The following ANO5 variants were observed in gnomAD, a reference collection of about 807,000 sequenced individuals.
ANO5 encodes the protein anoctamin-5.
Under a neutral mutation model 121.0 loss-of-function variants are expected in ANO5, and 109 were observed. The observed-to-expected ratio is 0.90, with a 90% CI of 0.77 to 1.06. The LOEUF (loss-of-function observed/expected upper bound fraction) is 1.06, where lower values mean the gene tolerates loss of function less well. Ranked by LOEUF, ANO5 falls within the 50% of genes least tolerant of loss-of-function variation. The pLI is 0.00. For synonymous variants in ANO5, 406 were observed against 359.9 expected, an observed-to-expected ratio of 1.13 and a Z score of -1.45; for missense variants, 1,064 against 1,078.5, an observed-to-expected ratio of 0.99 and a Z score of 0.19.
At chr11:22,202,458 T>A (rs1055593663) in intron 1 of ANO5, among the ~76,000 whole-genome samples, 2 of 64,690 alleles carry the variant, frequency 3.1e-5, no homozygotes, top group Non-Finnish European at 8.4e-5. Context: ...GTAGATTTTT[T>A]AAATTTTTTT....
chr11:22,211,294 C>T lies in ANO5; in HGVS notation c.118C>T (p.Leu40Phe). The T allele has an allele frequency of 1.2e-6, 2 of 1,612,220 alleles. No homozygotes were observed. Among genetic ancestry groups the T allele is most frequent in the South Asian group, 1.1e-5 (1 of 91,054 alleles). Reference sequence around the variant, plus strand: ...CCTGAGCAGCAGAGAGACCAGCTTTCTCATCAATGAAGAAACAATGGTAAG... The same window carrying T: ...CCTGAGCAGCAGAGAGACCAGCTTTTTCATCAATGAAGAAACAATGGTAAG... Reference protein sequence around the residue: ...QSLSSRETSFLINEETMPAKR... With the variant: ...QSLSSRETSFFINEETMPAKR... The change falls in exon 3 of 22, where the codon CTC becomes TTC. Residue 40 changes from leucine to phenylalanine, a missense_variant. Physicochemically the swap from Leu to Phe is conservative, Grantham distance 22. Transcript: ENST00000324559.
At chr11:22,212,986 A>G (rs1852329473) in intron 3 of ANO5, among the ~76,000 whole-genome samples, 1 of 151,296 alleles carries the variant, frequency 6.6e-6, no homozygotes, top group Non-Finnish European at 1.5e-5. Flanking sequence ...TTGATTCACT[A>G]TGTTGACATT....
At chr11:22,230,887 T>G (rs962906370) in intron 7 of ANO5, among the ~76,000 whole-genome samples, 83 of 152,126 alleles carry the variant, frequency 5.5e-4, no homozygotes, top group African/African-American at 1.9e-3. Context: ...CACTTCTATC[T>G]CCACCTTCAC....
intron 17 of ANO5, among the ~76,000 whole-genome samples, chr11:22,264,488 A>T (rs1854299141): frequency 6.6e-6 from 1 of 152,032 alleles, no homozygotes; most frequent in African/African-American, 2.4e-5. Context: ...AAAAAAAACA[A>T]GCAAATTAAC....
chr11:22,271,201 G>A (rs2133781860), intron 18 of ANO5, among the ~76,000 whole-genome samples: 1 of 152,230 alleles, frequency 6.6e-6, no homozygotes, highest in Admixed American at 6.5e-5. Context: ...GACTACAGGT[G>A]CGTGCCATCA....
intron 1 of ANO5, among the ~76,000 whole-genome samples, chr11:22,203,207 T>C (rs574970523): frequency 3.3e-5 from 5 of 152,198 alleles, no homozygotes; most frequent in Admixed American, 6.6e-5. Flanking sequence ...AAATATATCT[T>C]AGGGCTTTTT....
At chr11:22,237,062 G>A (rs12294496) in intron 8 of ANO5, among the ~76,000 whole-genome samples, 14,408 of 152,044 alleles carry the variant, frequency 0.095, 2,303 homozygotes, top group African/African-American at 0.33. Flanking sequence ...CCACCTATTG[G>A]CAGTGGAAAT....
intron 3 of ANO5, among the ~76,000 whole-genome samples, chr11:22,211,810 C>G (rs914777936): frequency 6.6e-6 from 1 of 151,716 alleles, no homozygotes; most frequent in African/African-American, 2.4e-5. Context: ...AGTTGCCTAG[C>G]AAGTAAAAAA....
At chr11:22,194,426 G>C (rs968911282) in intron 1 of ANO5, among the ~76,000 whole-genome samples, 1 of 152,024 alleles carries the variant, frequency 6.6e-6, no homozygotes, top group Non-Finnish European at 1.5e-5. Flanking sequence ...CATCCTCCTC[G>C]TTCCCTTTTT....
rs577951061 is a variant in ANO5 at position 22,238,017 on chromosome 11, T to C, written c.763-1552T>C. 7.2e-5 allele frequency among the ~76,000 whole-genome samples: 11 copies of C among 152,298 alleles called. 1 individual carries two copies. The highest frequency in any genetic ancestry group is 2.6e-4 in the African/African-American group (11 of 41,570). On this transcript the variant is annotated intron_variant, in intron 8 of 21. Coordinates refer to ENST00000324559, the MANE Select transcript of ANO5 (RefSeq NM_213599.3). ...AATGTAAATCGTTGTTACACTGTAT[T>C]GTTTTTAAATTTGTGTGTGTATGTG...
intron 2 of ANO5, among the ~76,000 whole-genome samples, chr11:22,208,356 G>T (rs1182092890): frequency 6.6e-6 from 1 of 151,940 alleles, no homozygotes; most frequent in African/African-American, 2.4e-5. Context: ...CAGTAAAAAG[G>T]AACAAACTAT....
intron 3 of ANO5, among the ~76,000 whole-genome samples, chr11:22,212,703 A>G (rs941776535): frequency 1.3e-5 from 2 of 151,894 alleles, no homozygotes; most frequent in Non-Finnish European, 2.9e-5. Context: ...ATCATTTAAA[A>G]TTGCATTTCT....
chr11:22,216,651 G>A (rs956603954), intron 3 of ANO5, among the ~76,000 whole-genome samples: 10 of 151,666 alleles, frequency 6.6e-5, no homozygotes, highest in Admixed American at 1.3e-4. Context: ...TTGCCTTTTC[G>A]TTTACATAGT....
At chr11:22,202,430 G>A (rs1851992343) in intron 1 of ANO5, among the ~76,000 whole-genome samples, 1 of 149,676 alleles carries the variant, frequency 6.7e-6, no homozygotes, top group African/African-American at 2.5e-5. Flanking sequence ...CTTGGGTTGT[G>A]AAAAAGCTAT....
At position 22,225,977 on chromosome 11, in the gene ANO5, G is replaced by A. The variant is rs753416246; in HGVS notation, c.295-7G>A. On this transcript the variant is annotated splice_region_variant and splice_polypyrimidine_tract_variant and intron_variant, in intron 5 of 21. Transcript: ENST00000324559. Reference sequence around the variant, plus strand: ...TGCATAATTCTGTTGATTTTTTTTTGTCATAGGAAAGAAGAAAAGAGTTTG... The same window carrying A: ...TGCATAATTCTGTTGATTTTTTTTTATCATAGGAAAGAAGAAAAGAGTTTG... 6.9e-6 allele frequency: 11 copies of A among 1,592,078 alleles called. No individual in the cohort carries two copies. Among genetic ancestry groups the A allele is most frequent in the Non-Finnish European group, 7.7e-6 (9 of 1,162,818 alleles).
At chr11:22,270,889 G>A (rs1445074814) in intron 18 of ANO5, among the ~76,000 whole-genome samples, 2 of 152,164 alleles carry the variant, frequency 1.3e-5, no homozygotes, top group African/African-American at 4.8e-5. Flanking sequence ...AAGCGATTGT[G>A]TAAGGGAAAT....
At chr11:22,272,725 G>A in intron 18 of ANO5, 59 bp from the exon 19 acceptor site, 2 of 1,492,204 alleles carry the variant, frequency 1.3e-6, no homozygotes, top group Non-Finnish European at 9.3e-7. Flanking sequence ...ATTTGGGCAG[G>A]GTGTTCCTGT....
chr11:22,264,392 A>T (rs577104131), intron 17 of ANO5, among the ~76,000 whole-genome samples: 1 of 152,000 alleles, frequency 6.6e-6, no homozygotes, highest in East Asian at 1.9e-4. Flanking sequence ...GGCAATACCT[A>T]AACCAAACAG....
At position 22,281,565 on chromosome 11, in the gene ANO5, G is replaced by A. The variant is rs2133817655; in HGVS notation, c.*1800G>A. Reference sequence around the variant, plus strand: ...ACCATGATGTGTGCAACCAATGTAGGATCTTTGGCTTGTCAAATCAGATTC... The same window carrying A: ...ACCATGATGTGTGCAACCAATGTAGAATCTTTGGCTTGTCAAATCAGATTC... On this transcript the variant is annotated 3_prime_UTR_variant, in exon 22 of 22. Transcript: ENST00000324559. 1.3e-5 allele frequency: 2 copies of A among 152,158 alleles called. No homozygotes were observed. Among genetic ancestry groups the A allele is most frequent in the South Asian group, 4.1e-4 (2 of 4,832 alleles). 9.4% of individuals were successfully genotyped at this position (152,158 alleles called of 1,614,324 possible).
Sources: gnomAD v4.1 joint callset for allele counts (sites outside exome capture counted in the v4.1 genomes callset) on GRCh38, gnomAD v4.1.1 for gene constraint, MANE v1.5 for transcripts, NCBI Gene and HGNC (gene_info 2026-07-23, HGNC 2026-07-21) for gene names.